The following RBFOX2 variants were observed in gnomAD, a reference collection of about 807,000 sequenced individuals.
RBFOX2 encodes the protein RNA binding fox-1 homolog 2.
RBFOX2 carries 10 observed loss-of-function variants against 49.1 expected under a neutral mutation model. That is an observed-to-expected ratio of 0.20 (90% confidence interval 0.13 to 0.35). The LOEUF (loss-of-function observed/expected upper bound fraction) is 0.35. Ranked by LOEUF, RBFOX2 falls within the 10% of genes least tolerant of loss-of-function variation. RBFOX2 has a pLI of 1.00. For synonymous variants in RBFOX2, 183 were observed against 187.4 expected, an observed-to-expected ratio of 0.98 and a Z score of 0.19; for missense variants, 323 against 486.9, an observed-to-expected ratio of 0.66 and a Z score of 3.17.
chr22:35,810,111 T>A, intron 1 of RBFOX2, 107 bp from the exon 3 acceptor site: 2 of 1,058,980 alleles, frequency 1.9e-6, no homozygotes, highest in Non-Finnish European at 2.8e-6. Context: ...ACTGCATAGG[T>A]AAAATGGAAT....
At chr22:35,974,898 C>G (rs2057067558) in intron 1 of RBFOX2, among the ~76,000 whole-genome samples, 1 of 152,114 alleles carries the variant, frequency 6.6e-6, no homozygotes, top group African/African-American at 2.4e-5. Flanking sequence ...TTTCTCTGAC[C>G]TTCTCTCCCC....
At chr22:35,862,335 C>T (rs1441263679) in intron 1 of RBFOX2, among the ~76,000 whole-genome samples, 1 of 142,700 alleles carries the variant, frequency 7.0e-6, no homozygotes, top group Non-Finnish European at 1.5e-5. Context: ...TCTTGTCCCA[C>T]TTAATGCAAT....
chr22:35,813,357 T>C (rs1215320565), intron 1 of RBFOX2, among the ~76,000 whole-genome samples: 1 of 152,206 alleles, frequency 6.6e-6, no homozygotes, highest in Admixed American at 6.5e-5. Flanking sequence ...ACAGTTCACA[T>C]GAGTATTTCT....
chr22:35,897,290 C>T, intron 1 of RBFOX2: 1 of 1,510,538 alleles, frequency 6.6e-7, no homozygotes. Flanking sequence ...TGGCCAGCTT[C>T]ACATCCTCAA....
At chr22:35,800,039 T>C (rs1260458370) in intron 2 of RBFOX2, among the ~76,000 whole-genome samples, 1 of 152,074 alleles carries the variant, frequency 6.6e-6, no homozygotes, top group Non-Finnish European at 1.5e-5. Flanking sequence ...TAATTTATTC[T>C]CACTACAACC....
At chr22:35,767,123 A>AG (rs1189920060) in intron 5 of RBFOX2, among the ~76,000 whole-genome samples, 2 of 152,142 alleles carry the variant, frequency 1.3e-5, no homozygotes, top group African/African-American at 2.4e-5. Context: ...GGGGAAAAAA[A>AG]TCACCATGAA....
chr22:35,953,256 C>T (rs1408890531), intron 1 of RBFOX2, among the ~76,000 whole-genome samples: 2 of 137,522 alleles, frequency 1.5e-5, no homozygotes, highest in South Asian at 2.4e-4. Context: ...GAAACCCAAA[C>T]GTCCATTAAG....
intron 1 of RBFOX2, among the ~76,000 whole-genome samples, chr22:35,982,326 G>A (rs893199019): frequency 2.6e-5 from 4 of 151,886 alleles, no homozygotes; most frequent in Non-Finnish European, 5.9e-5. Context: ...CATCCCCCAG[G>A]TCCCTTTCCC....
chr22:35,955,161 C>CT (rs1186573436), intron 1 of RBFOX2, among the ~76,000 whole-genome samples: 1 of 152,164 alleles, frequency 6.6e-6, no homozygotes, highest in Non-Finnish European at 1.5e-5. Flanking sequence ...GTTTCAACCA[C>CT]TACTGAAATG....
chr22:36,003,677 G>GA (rs1258777643), intron 1 of RBFOX2, among the ~76,000 whole-genome samples: 49 of 152,186 alleles, frequency 3.2e-4, no homozygotes, highest in Non-Finnish European at 1.0e-4. Flanking sequence ...AACTAAGGGG[G>GA]AAAAAACAAA....
intron 1 of RBFOX2, among the ~76,000 whole-genome samples, chr22:35,858,594 G>T (rs113673666): frequency 0.077 from 11,773 of 152,132 alleles, 475 homozygotes; most frequent in South Asian, 0.086. Context: ...AGGAAGTCGA[G>T]GTGGGTGGAT....
intron 1 of RBFOX2, among the ~76,000 whole-genome samples, chr22:35,817,509 T>C (rs973863116): frequency 1.2e-4 from 16 of 135,746 alleles, no homozygotes; most frequent in Non-Finnish European, 2.2e-4. Flanking sequence ...AATAAATAAA[T>C]AAAAAGAGAG....
intron 2 of RBFOX2, among the ~76,000 whole-genome samples, chr22:35,795,628 C>CA (rs139555281): frequency 0.28 from 9,583 of 33,626 alleles, 1,147 homozygotes; most frequent in Non-Finnish European, 0.38. Context: ...TGTAGAAAAG[C>CA]AAAAAAAAAA....
chr22:35,884,876 C>G (rs1019524912), intron 1 of RBFOX2, among the ~76,000 whole-genome samples: 7 of 152,130 alleles, frequency 4.6e-5, no homozygotes, highest in Non-Finnish European at 1.0e-4. Context: ...TTGAATCTTC[C>G]TTCCCCGTTG....
chr22:35,913,585 G>C (rs1416531299), intron 1 of RBFOX2, among the ~76,000 whole-genome samples: 8 of 150,378 alleles, frequency 5.3e-5, no homozygotes, highest in Non-Finnish European at 8.9e-5. Context: ...GATGGATAGA[G>C]ATATACCGAT....
intron 1 of RBFOX2, among the ~76,000 whole-genome samples, chr22:36,018,788 A>AT (rs1569523886): frequency 6.6e-6 from 1 of 151,942 alleles, no homozygotes; most frequent in Non-Finnish European, 1.5e-5. Context: ...TAATTTTTGT[A>AT]TTTTTAGTAG....
At chr22:35,853,484 T>A (rs1259911796) in intron 1 of RBFOX2, among the ~76,000 whole-genome samples, 2 of 152,078 alleles carry the variant, frequency 1.3e-5, no homozygotes, top group Non-Finnish European at 2.9e-5. Flanking sequence ...AACTAAAAAA[T>A]TTATTGTGTA....
chr22:35,803,613 G>A (rs1282570464), intron 2 of RBFOX2, among the ~76,000 whole-genome samples: 2 of 152,134 alleles, frequency 1.3e-5, no homozygotes, highest in African/African-American at 4.8e-5. Flanking sequence ...GCAGGTCAAG[G>A]CTGCAGTGAG....
intron 1 of RBFOX2, among the ~76,000 whole-genome samples, chr22:36,009,564 T>G (rs1017151148): frequency 6.6e-6 from 1 of 152,062 alleles, no homozygotes; most frequent in Non-Finnish European, 1.5e-5. Flanking sequence ...TGTTTTTTGT[T>G]TTTTTGTAAA....
Sources: allele counts gnomAD v4.1 joint callset (sites outside exome capture counted in the v4.1 genomes callset), GRCh38; gene constraint gnomAD v4.1.1; transcripts MANE v1.5; gene names NCBI Gene and HGNC (gene_info 2026-07-23, HGNC 2026-07-21).